The following SMAD1 variants were observed in gnomAD, a reference collection of about 807,000 sequenced individuals.
The protein encoded by SMAD1 is MAD, mothers against decapentaplegic homolog 1.
A neutral mutation model predicts 41.6 loss-of-function variants in SMAD1; 6 were observed. That is an observed-to-expected ratio of 0.14 (90% CI 0.08 to 0.28). The LOEUF is 0.28. Ranked by LOEUF, SMAD1 falls within the 10% of genes least tolerant of loss-of-function variation. The pLI is 1.00. For missense variants in SMAD1, 379 were observed against 582.6 expected (o/e 0.65, Z 3.60); for synonymous variants, 206 against 203.2 (o/e 1.01, Z -0.12).
At position 145,542,608 on chromosome 4, in the gene SMAD1, C is replaced by T. The variant is rs1395975712; in HGVS notation, c.685C>T (p.Pro229Ser). ...TGATACGCCCCCACCTGCTTACCTG[C>T]CTCCTGAAGACCCCATGACCCAGGA... ...PADTPPPAYL[P>S]PEDPMTQDGS... The change falls in exon 4 of 7, where the codon CCT (proline) becomes TCT (serine). Residue 229 changes from proline (P) to serine (S), a missense_variant. Coordinates refer to ENST00000302085, the MANE Select transcript of SMAD1 (RefSeq NM_005900.3). 1.2e-6 allele frequency: 2 copies of T among 1,610,400 alleles called. No homozygotes were observed. Among genetic ancestry groups the T allele is most frequent in the Non-Finnish European group, 1.7e-6 (2 of 1,178,584 alleles).
intron 1 of SMAD1, among the ~76,000 whole-genome samples, chr4:145,505,831 G>GA (rs1037790030): frequency 6.6e-6 from 1 of 151,006 alleles, no homozygotes; most frequent in Admixed American, 6.6e-5. Context: ...TTCCAAAAAG[G>GA]AAAAAAAAGG....
intron 2 of SMAD1, among the ~76,000 whole-genome samples, chr4:145,531,978 T>G (rs942739592): frequency 1.3e-5 from 2 of 152,242 alleles, no homozygotes; most frequent in African/African-American, 4.8e-5. Context: ...TAGACTACTT[T>G]ACCACTGACA....
At chr4:145,500,807 A>C (rs1418809246) in intron 1 of SMAD1, among the ~76,000 whole-genome samples, 1 of 152,180 alleles carries the variant, frequency 6.6e-6, no homozygotes, top group African/African-American at 2.4e-5. Flanking sequence ...CAAAATATTA[A>C]AATTAGCCTT....
intron 2 of SMAD1, among the ~76,000 whole-genome samples, chr4:145,516,850 T>C (rs1730425192): frequency 6.6e-6 from 1 of 152,162 alleles, no homozygotes; most frequent in Admixed American, 6.5e-5. Flanking sequence ...TAGGTAAGAT[T>C]TTAATTCTAC....
intron 1 of SMAD1, among the ~76,000 whole-genome samples, chr4:145,496,909 GT>G (rs921443120): frequency 2.0e-5 from 3 of 152,084 alleles, no homozygotes; most frequent in African/African-American, 4.8e-5. Flanking sequence ...GTAAAAGTCT[GT>G]TTTTTTGCCT....
chr4:145,558,142 T>C lies in SMAD1; in HGVS notation c.*208T>C. The C allele has an allele frequency of 2.6e-6, 1 of 389,088 alleles. No homozygotes were observed. Among genetic ancestry groups the C allele is most frequent in the Non-Finnish European group, 4.6e-6 (1 of 219,396 alleles). The allele number at this position is 389,088 out of a possible 1,614,324, so 24.1% of individuals were successfully genotyped here. On this transcript the variant is annotated 3_prime_UTR_variant, in exon 7 of 7. Coordinates refer to ENST00000302085, the MANE Select transcript of SMAD1 (RefSeq NM_005900.3). Reference sequence around the variant, plus strand: ...TGTTGATATCAAGAACCTGTTTAGTTTACATTGTAACATTCTATTGTAAAA... The same window carrying C: ...TGTTGATATCAAGAACCTGTTTAGTCTACATTGTAACATTCTATTGTAAAA...
chr4:145,497,715 A>T (rs934502942), intron 1 of SMAD1: 4 of 152,208 alleles, frequency 2.6e-5, no homozygotes, highest in African/African-American at 7.2e-5. Context: ...AAGTGATCAG[A>T]GGTAGAAAGG....
chr4:145,497,503 A>T (rs1426282400), intron 1 of SMAD1: 9 of 152,158 alleles, frequency 5.9e-5, no homozygotes. Context: ...TTTCTACTGC[A>T]CCTTTATGTT....
At chr4:145,556,323 GC>G (rs1487812317) in intron 6 of SMAD1, among the ~76,000 whole-genome samples, 1 of 152,036 alleles carries the variant, frequency 6.6e-6, no homozygotes, top group Non-Finnish European at 1.5e-5. Context: ...CTGCACATAA[GC>G]CTGTAAATTA....
At chr4:145,490,418 G>A (rs10519733) in intron 1 of SMAD1, among the ~76,000 whole-genome samples, 18,033 of 152,196 alleles carry the variant, frequency 0.12, 3,292 homozygotes, top group African/African-American at 0.39. Context: ...AAGAACCACC[G>A]TAGGTAGTGT....
intron 5 of SMAD1, among the ~76,000 whole-genome samples, chr4:145,548,580 G>A (rs929742567): frequency 6.6e-5 from 10 of 152,100 alleles, no homozygotes; most frequent in African/African-American, 9.7e-5. Flanking sequence ...AAATTTATAA[G>A]TCCATACTCA....
At chr4:145,494,921 A>G (rs1307047115) in intron 1 of SMAD1, among the ~76,000 whole-genome samples, 1 of 151,998 alleles carries the variant, frequency 6.6e-6, no homozygotes, top group Non-Finnish European at 1.5e-5. Flanking sequence ...GACAGAAAGG[A>G]TATGTGTGTT....
chr4:145,541,794 T>TG (rs1731956583), intron 3 of SMAD1, among the ~76,000 whole-genome samples: 1 of 152,210 alleles, frequency 6.6e-6, no homozygotes, highest in African/African-American at 2.4e-5. Flanking sequence ...ATATGCTAGA[T>TG]GGGCTCATGA....
In SMAD1 at chr4:145,540,041, G is replaced by A. The variant is rs1338883323; in HGVS notation, c.638G>A (p.Gly213Glu). The change falls in exon 3 of 7, where the codon GGA becomes GAA. Residue 213 changes from glycine (G) to glutamate (E), a missense_variant. This residue lies in a region of SMAD1 where 208 missense variants were observed against 210.5 expected (regional missense o/e 0.99). Transcript: ENST00000302085. ...CACTCTCCCACCAGCTCAGACCCAG[G>A]AAGCCCTTTCCAGATGCCAGGTAGG... ...YPHSPTSSDP[G>E]SPFQMPADTP... The A allele has an allele frequency of 1.9e-6, 3 of 1,614,082 alleles. No homozygotes were observed. In the South Asian group the frequency reaches 3.3e-5, roughly 18 times the overall value.
intron 1 of SMAD1, among the ~76,000 whole-genome samples, chr4:145,490,847 T>TA (rs1180741703): frequency 6.6e-6 from 1 of 152,196 alleles, no homozygotes; most frequent in Non-Finnish European, 1.5e-5. Flanking sequence ...AATTAGAACT[T>TA]AAAAAAATAA....
At chr4:145,504,835 AT>A (rs1326861034) in intron 1 of SMAD1, among the ~76,000 whole-genome samples, 1 of 152,232 alleles carries the variant, frequency 6.6e-6, no homozygotes, top group Non-Finnish European at 1.5e-5. Flanking sequence ...TATTTTACCA[AT>A]AAATCTCATT....
chr4:145,529,742 G>T (rs1269839752), intron 2 of SMAD1, among the ~76,000 whole-genome samples: 1 of 152,196 alleles, frequency 6.6e-6, no homozygotes, highest in East Asian at 1.9e-4. Context: ...TTTGACTTAA[G>T]ATGAGAAAAA....
At chr4:145,551,798 T>C (rs935743363) in intron 5 of SMAD1, among the ~76,000 whole-genome samples, 11 of 152,234 alleles carry the variant, frequency 7.2e-5, no homozygotes, top group African/African-American at 2.4e-4. Flanking sequence ...ACACTGCTGG[T>C]GACAGTGTAA....
intron 5 of SMAD1, among the ~76,000 whole-genome samples, chr4:145,551,254 A>G (rs1732540758): frequency 6.6e-6 from 1 of 152,226 alleles, no homozygotes. Flanking sequence ...AGAGTCTTCT[A>G]ATGGTTCTAC....
Sources: gnomAD v4.1 joint callset for allele counts (sites outside exome capture counted in the v4.1 genomes callset) on GRCh38, gnomAD v4.1.1 for gene constraint, gnomAD v4.1.1 regional missense constraint, MANE v1.5 for transcripts, NCBI Gene and HGNC (gene_info 2026-07-23, HGNC 2026-07-21) for gene names.